Variants in SNX18 observed in about 807,000 individuals in gnomAD.
The protein encoded by SNX18 is sorting nexin 18.
In SNX18, 35 loss-of-function variants were observed where a neutral mutation model predicts 48.7. The ratio of observed to expected loss-of-function variants is 0.72; its 90% confidence interval spans 0.55 to 0.95. The LOEUF (loss-of-function observed/expected upper bound fraction) is 0.95, where lower values mean the gene tolerates loss of function less well. SNX18 is among the 40% of genes least tolerant of loss of function. The probability of loss-of-function intolerance (pLI) is 0.00; values close to 1 mark genes in which losing one functional copy is unlikely to be tolerated. For synonymous variants in SNX18, 492 were observed against 384.7 expected (o/e 1.28, Z -3.26); for missense variants, 824 against 871.0 (o/e 0.95, Z 0.68).
At chr5:54,622,165 G>A in the SNX18 span, among the ~76,000 whole-genome samples, 2 of 152,204 alleles carry the variant, frequency 1.3e-5, no homozygotes, top group East Asian at 3.8e-4. Flanking sequence ...GAAAATGTTA[G>A]AAATGCCACC....
the SNX18 span, among the ~76,000 whole-genome samples, chr5:54,618,302 C>G: frequency 6.6e-6 from 1 of 152,212 alleles, no homozygotes. Flanking sequence ...AAACCTCTGT[C>G]TTTTACAAAT....
chr5:54,562,163 C>A, the SNX18 span, among the ~76,000 whole-genome samples: 2 of 152,232 alleles, frequency 1.3e-5, no homozygotes, highest in South Asian at 2.1e-4. Context: ...TCTTTGCGGG[C>A]GGGCACAAAA....
chr5:54,617,001 G>C, the SNX18 span, among the ~76,000 whole-genome samples: 1 of 152,294 alleles, frequency 6.6e-6, no homozygotes, highest in South Asian at 2.1e-4. Context: ...CTGAGTCACA[G>C]ACTTAACTTT....
At chr5:54,585,894 A>G in the SNX18 span, among the ~76,000 whole-genome samples, 1 of 152,002 alleles carries the variant, frequency 6.6e-6, no homozygotes, top group Non-Finnish European at 1.5e-5. Context: ...AGTCCCAGCT[A>G]CTAGGAAGGC....
chr5:54,588,000 T>A, the SNX18 span, among the ~76,000 whole-genome samples: 9 of 152,152 alleles, frequency 5.9e-5, no homozygotes, highest in African/African-American at 2.2e-4. Flanking sequence ...CTTTTGCCCT[T>A]TCTCCTTTCA....
the SNX18 span, among the ~76,000 whole-genome samples, chr5:54,571,966 T>G: frequency 1.3e-5 from 2 of 152,188 alleles, no homozygotes; most frequent in Admixed American, 1.3e-4. Flanking sequence ...AAAACAAACC[T>G]GGCTGGAGGG....
At chr5:54,566,834 T>C in the SNX18 span, among the ~76,000 whole-genome samples, 5 of 152,214 alleles carry the variant, frequency 3.3e-5, no homozygotes, top group African/African-American at 9.6e-5. Flanking sequence ...GAACTGGTGT[T>C]GGTGGACAGC....
the SNX18 span, among the ~76,000 whole-genome samples, chr5:54,630,113 T>C: frequency 6.6e-6 from 1 of 152,212 alleles, no homozygotes; most frequent in Non-Finnish European, 1.5e-5. Context: ...CAGCTTCTGA[T>C]AACTGCATCA....
At chr5:54,639,917 C>CTATAA in the SNX18 span, among the ~76,000 whole-genome samples, 1 of 152,230 alleles carries the variant, frequency 6.6e-6, no homozygotes, top group Admixed American at 6.5e-5. Context: ...GGCCCACGCA[C>CTATAA]TATAAGGAAA....
chr5:54,561,850 T>A, the SNX18 span, among the ~76,000 whole-genome samples: 28 of 152,322 alleles, frequency 1.8e-4, no homozygotes, highest in East Asian at 5.4e-3. Context: ...TCTTTATTAT[T>A]CCTCTTATCA....
the SNX18 span, among the ~76,000 whole-genome samples, chr5:54,595,729 G>T: frequency 6.6e-6 from 1 of 152,118 alleles, no homozygotes; most frequent in African/African-American, 2.4e-5. Context: ...GTAACAAATT[G>T]TCACAAACTA....
At chr5:54,538,440 A>T (rs13159640) in intron 1 of SNX18, among the ~76,000 whole-genome samples, 9 of 115,344 alleles carry the variant, frequency 7.8e-5, no homozygotes, top group South Asian at 3.3e-4. Flanking sequence ...AAGATGTCAT[A>T]TTTTTTTTTC....
At position 54,543,740 on chromosome 5, in the gene SNX18, C is replaced by G; in HGVS notation, c.*308C>G. ...TGAAGTATGGGTATTTTAGTGCATA[C>G]TTTGTAGACCTCAAAACCCATGAAG... On this transcript the variant is annotated 3_prime_UTR_variant, in exon 2 of 2. Coordinates refer to ENST00000381410, the MANE Select transcript of SNX18 (RefSeq NM_001102575.2). The G allele has an allele frequency of 3.9e-6, 1 of 257,270 alleles. No homozygotes were observed. The highest frequency in any genetic ancestry group is 7.5e-6 in the Non-Finnish European group (1 of 133,668). 15.9% of individuals were successfully genotyped at this position (257,270 alleles called of 1,614,324 possible). A position where few individuals can be genotyped will look rare whatever the true frequency, so the allele number is the denominator to read the frequency against.
chr5:54,534,430 C>G (rs1338195271), intron 1 of SNX18, among the ~76,000 whole-genome samples: 1 of 151,822 alleles, frequency 6.6e-6, no homozygotes, highest in African/African-American at 2.4e-5. Flanking sequence ...CATGGCAAGC[C>G]CTGTGGGGAC....
the SNX18 span, among the ~76,000 whole-genome samples, chr5:54,579,920 A>T: frequency 4.6e-5 from 7 of 151,808 alleles, no homozygotes; most frequent in African/African-American, 1.5e-4. Flanking sequence ...AAAAATATAT[A>T]TTTTTCTTGG....
chr5:54,639,393 T>C, the SNX18 span, among the ~76,000 whole-genome samples: 1 of 152,206 alleles, frequency 6.6e-6, no homozygotes, highest in Non-Finnish European at 1.5e-5. Context: ...ATAGCTGGCA[T>C]ATCATAGGGG....
At chr5:54,553,842 G>A in the SNX18 span, among the ~76,000 whole-genome samples, 1 of 152,162 alleles carries the variant, frequency 6.6e-6, no homozygotes, top group Non-Finnish European at 1.5e-5. Flanking sequence ...CATCTCCAAC[G>A]TGGGGGTTGA....
the SNX18 span, chr5:54,645,351 T>G: frequency 6.6e-6 from 1 of 152,222 alleles, no homozygotes; most frequent in African/African-American, 2.4e-5. Context: ...ATACTGTGTA[T>G]TGTGTTGCAT....
chr5:54,552,447 C>CTT, the SNX18 span, among the ~76,000 whole-genome samples: 9 of 152,316 alleles, frequency 5.9e-5, no homozygotes, highest in East Asian at 1.4e-3. Flanking sequence ...CTCTTTTACT[C>CTT]TTTCAATACA....
Sources: gnomAD v4.1 joint callset for allele counts (sites outside exome capture counted in the v4.1 genomes callset) on GRCh38, gnomAD v4.1.1 for gene constraint, MANE v1.5 for transcripts, NCBI Gene and HGNC (gene_info 2026-07-23, HGNC 2026-07-21) for gene names.